The following MARCHF1 variants were observed in gnomAD, a reference collection of about 807,000 sequenced individuals.
MARCHF1 encodes the protein E3 ubiquitin-protein ligase MARCHF1.
MARCHF1 carries 40 observed loss-of-function variants against 54.2 expected under a neutral mutation model. The observed-to-expected ratio is 0.74, with a 90% confidence interval of 0.57 to 0.96. The LOEUF is 0.96. Ranked by LOEUF, MARCHF1 falls within the 40% of genes least tolerant of loss-of-function variation. The probability of loss-of-function intolerance (pLI) is 0.00; values close to 1 mark genes in which losing one functional copy is unlikely to be tolerated. For missense variants in MARCHF1, 586 were observed against 656.5 expected (o/e 0.89, Z 1.17); for synonymous variants, 236 against 236.3 (o/e 1.00, Z 0.01).
At chr4:164,349,369 T>C (rs1730211006) in intron 1 of MARCHF1, among the ~76,000 whole-genome samples, 2 of 152,198 alleles carry the variant, frequency 1.3e-5, no homozygotes, top group African/African-American at 4.8e-5. Context: ...TCCAACAGTA[T>C]TGTTAAAATA....
chr4:164,350,207 G>A (rs1730239917), intron 1 of MARCHF1, among the ~76,000 whole-genome samples: 1 of 152,154 alleles, frequency 6.6e-6, no homozygotes. Context: ...TGTGTATGCT[G>A]ACTCACTGTG....
intron 1 of MARCHF1, among the ~76,000 whole-genome samples, chr4:164,293,480 G>A (rs917219362): frequency 1.3e-5 from 2 of 152,138 alleles, no homozygotes; most frequent in African/African-American, 2.4e-5. Context: ...TAAAACTTTC[G>A]AAAGCTCTCC....
chr4:163,921,087 A>G (rs1359860946), intron 3 of MARCHF1, among the ~76,000 whole-genome samples: 1 of 152,174 alleles, frequency 6.6e-6, no homozygotes, highest in Non-Finnish European at 1.5e-5. Context: ...CTGATACCAA[A>G]TGTCTGTGTT....
chr4:164,192,631 C>T (rs1560947236), intron 1 of MARCHF1, among the ~76,000 whole-genome samples: 1 of 152,084 alleles, frequency 6.6e-6, no homozygotes, highest in Non-Finnish European at 1.5e-5. Context: ...TTAAAAAACA[C>T]TTCAGTCACT....
rs1030335825 is a variant in MARCHF1 at position 163,552,190 on chromosome 4, T to C, written c.1192-6447A>G. ...TTTCTGATTAAGTGCAGCTCCTCTG[T>C]CTCTCCTGATAACAGTACAAGAAGG... is the stretch of plus-strand genomic sequence containing the variant. On this transcript the variant is annotated intron_variant, in intron 8 of 9. Transcript: ENST00000514618. Among the ~76,000 whole-genome samples the C allele has an allele frequency of 3.3e-5, 5 of 152,170 alleles. 1 individual carries two copies. Among genetic ancestry groups the C allele is most frequent in the Non-Finnish European group, 1.5e-5 (1 of 68,030 alleles).
At chr4:163,785,745 A>T (rs1490198161) in intron 4 of MARCHF1, among the ~76,000 whole-genome samples, 1 of 152,086 alleles carries the variant, frequency 6.6e-6, no homozygotes, top group Non-Finnish European at 1.5e-5. Flanking sequence ...GGAAAAAAAA[A>T]GTCACTGTGA....
chr4:164,125,918 T>C (rs964798668), intron 1 of MARCHF1, among the ~76,000 whole-genome samples: 6 of 152,196 alleles, frequency 3.9e-5, no homozygotes, highest in African/African-American at 1.4e-4. Context: ...AAACCATCCC[T>C]GCCCCATTCT....
chr4:163,654,638 CAATTTTGTCTGATATT>C (rs1743077602), intron 5 of MARCHF1, among the ~76,000 whole-genome samples: 2 of 151,582 alleles, frequency 1.3e-5, no homozygotes, highest in Non-Finnish European at 3.0e-5. Context: ...GCCATAAAGT[CAATTTTGTCTGATATT>C]AGTATATCAA....
rs574022970 is a variant in MARCHF1 at position 163,712,255 on chromosome 4, C to T, written c.112-11392G>A. On this transcript the variant is annotated intron_variant, in intron 4 of 9. Coordinates refer to ENST00000514618, the MANE Select transcript of MARCHF1 (RefSeq NM_001394959.1). The stretch of plus-strand genomic sequence containing the variant: ...GGGAATTTGCAAGCTAGGTTTTTTA[C>T]TAAATTCTGGAATTGGATTTAAAAG... 2.8e-4 allele frequency among the ~76,000 whole-genome samples: 42 copies of T among 152,200 alleles called. 1 individual carries two copies. The South Asian group carries it at 8.3e-3, about 30-fold the overall frequency.
chr4:163,779,229 A>C (rs1319334715), intron 4 of MARCHF1, among the ~76,000 whole-genome samples: 4 of 152,172 alleles, frequency 2.6e-5, no homozygotes, highest in Non-Finnish European at 5.9e-5. Flanking sequence ...TTTTTGTCTT[A>C]GCTAATTTGA....
At chr4:164,152,981 A>G (rs1433628767) in intron 1 of MARCHF1, among the ~76,000 whole-genome samples, 1 of 152,162 alleles carries the variant, frequency 6.6e-6, no homozygotes, top group Non-Finnish European at 1.5e-5. Flanking sequence ...CCTAAAATAT[A>G]TAAAATCAAG....
At chr4:164,300,899 G>T (rs1331141945) in intron 1 of MARCHF1, among the ~76,000 whole-genome samples, 1 of 152,034 alleles carries the variant, frequency 6.6e-6, no homozygotes, top group African/African-American at 2.4e-5. Flanking sequence ...CTCATTCAGG[G>T]TGGCACCAAA....
At chr4:163,535,095 A>G (rs895156719) in intron 9 of MARCHF1, among the ~76,000 whole-genome samples, 1 of 152,062 alleles carries the variant, frequency 6.6e-6, no homozygotes, top group African/African-American at 2.4e-5. Context: ...TGACAGCACT[A>G]GTTCCTCATC....
Position 164,155,808 on chromosome 4 carries a change from G to T in MARCHF1, c.-322-44146C>A, listed in dbSNP as rs113755434. ...AAACTGAACTTGTACCCCTTAAATT[G>T]ATGCAATAAATTTTTAAAGAGATTT... On this transcript the variant is annotated intron_variant, in intron 1 of 9. Coordinates refer to ENST00000514618, the MANE Select transcript of MARCHF1 (RefSeq NM_001394959.1). 7.7e-3 allele frequency among the ~76,000 whole-genome samples: 1,167 copies of T among 152,092 alleles called. 17 individuals carry two copies. Among genetic ancestry groups the T allele is most frequent in the African/African-American group, 0.027 (1,121 of 41,500 alleles).
chr4:163,890,041 C>T (rs1334623574), intron 3 of MARCHF1, among the ~76,000 whole-genome samples: 2 of 149,364 alleles, frequency 1.3e-5, no homozygotes, highest in East Asian at 4.1e-4. Context: ...TCTCCTGTCT[C>T]AGCCTCCCGA....
chr4:163,714,880 C>T (rs2111266041), intron 4 of MARCHF1, among the ~76,000 whole-genome samples: 1 of 152,164 alleles, frequency 6.6e-6, no homozygotes, highest in South Asian at 2.1e-4. Context: ...CAAGGTTTTG[C>T]TGTGTTGCCC....
intron 4 of MARCHF1, among the ~76,000 whole-genome samples, chr4:163,826,644 C>T (rs1748855561): frequency 6.6e-6 from 1 of 151,620 alleles, no homozygotes; most frequent in African/African-American, 2.4e-5. Context: ...GGGAAACAGA[C>T]AAAATAAAAG....
intron 1 of MARCHF1, among the ~76,000 whole-genome samples, chr4:164,242,635 T>C (rs1732807331): frequency 6.6e-6 from 1 of 151,612 alleles, no homozygotes; most frequent in African/African-American, 2.4e-5. Context: ...GGAGAATGAC[T>C]TTGATGAGCT....
At chr4:164,082,224 T>G (rs921483464) in intron 2 of MARCHF1, among the ~76,000 whole-genome samples, 1 of 152,202 alleles carries the variant, frequency 6.6e-6, no homozygotes, top group Non-Finnish European at 1.5e-5. Flanking sequence ...TATTTCACCT[T>G]TAGTAGTCAA....
Sources: allele counts gnomAD v4.1 joint callset (sites outside exome capture counted in the v4.1 genomes callset), GRCh38; gene constraint gnomAD v4.1.1; transcripts MANE v1.5; gene names NCBI Gene and HGNC (gene_info 2026-07-23, HGNC 2026-07-21).